SORL1: variants seen among roughly 807,000 people sequenced by gnomAD.
The protein encoded by SORL1 is sortilin related receptor 1, also known as sortilin-related receptor.
A neutral mutation model predicts 273.7 loss-of-function variants in SORL1; 127 were observed. The observed-to-expected ratio is 0.46, with a 90% CI of 0.40 to 0.54. The LOEUF (loss-of-function observed/expected upper bound fraction) is 0.54. Ranked by LOEUF, SORL1 falls within the 20% of genes least tolerant of loss-of-function variation. The probability of loss-of-function intolerance (pLI) is 0.00; values close to 1 mark genes in which losing one functional copy is unlikely to be tolerated. For missense variants in SORL1, 2,494 were observed against 2,846.1 expected (o/e 0.88, Z 2.81); for synonymous variants, 1,031 against 1,067.4 (o/e 0.97, Z 0.66).
chr11:121,557,906 CCT>C (rs373111373), intron 19 of SORL1, among the ~76,000 whole-genome samples: 249 of 152,268 alleles, frequency 1.6e-3, no homozygotes, highest in African/African-American at 5.8e-3. Flanking sequence ...TCTGGCTTTT[CCT>C]CTCTCGTAGC....
At position 121,452,517 on chromosome 11, in the gene SORL1, G is replaced by A; in HGVS notation, c.186G>A (p.Ala62=). Residue 62 remains alanine (A), a synonymous_variant, in exon 1 of 48, where the codon GCG becomes GCA. Coordinates refer to ENST00000260197, the MANE Select transcript of SORL1 (RefSeq NM_003105.6). This position sits in a 1 kb window ranked among gnomAD's most constrained non-coding sequence, Gnocchi z 5.3. ...ACCCGCGCGAGCTGCGGCTGTGGGC[G>A]CGCGGGGATGCCAGGGGGGCGAGCC... is the stretch of plus-strand genomic sequence containing the variant. ...QGDPRELRLW[A]RGDARGASRA... 1 of 1,478,224 alleles carries A rather than the reference G, an allele frequency of 6.8e-7. No homozygotes were observed. 91.6% of individuals were successfully genotyped at this position (1,478,224 alleles called of 1,614,324 possible).
rs749701185 is a variant in SORL1 at position 121,567,085 on chromosome 11, G to A, written c.3195G>A (p.Gln1065=). 5.6e-6 allele frequency: 9 copies of A among 1,613,874 alleles called. No homozygotes were observed. In the South Asian group the frequency reaches 8.8e-5, roughly 16 times the overall value. ...TGTGTGACTGCCCTCAGGGCTATCAGCTCAAGAACAATACCTGTGTCAAAC... is the reference window on the plus strand; with the variant it reads ...TGTGTGACTGCCCTCAGGGCTATCAACTCAAGAACAATACCTGTGTCAAAC... ...DLMCDCPQGY[Q]LKNNTCVKQE... The change falls in exon 22 of 48, where the codon CAG becomes CAA. Residue 1065 remains glutamine, a synonymous_variant. Coordinates refer to ENST00000260197, the MANE Select transcript of SORL1 (RefSeq NM_003105.6).
intron 3 of SORL1, among the ~76,000 whole-genome samples, chr11:121,487,057 T>C (rs579131): frequency 0.99 from 151,544 of 152,328 alleles, 75,388 homozygotes; most frequent in Middle Eastern, 1. Flanking sequence ...TCTTTCCCTG[T>C]GGGAGTCTCA....
chr11:121,611,257 A>T, intron 39 of SORL1, 99 bp downstream of exon 39: 1 of 810,872 alleles, frequency 1.2e-6, no homozygotes, highest in Non-Finnish European at 2.0e-6. Flanking sequence ...ACAAAAAACA[A>T]AAAACAAAAA....
chr11:121,604,271 G>T lies in SORL1; in HGVS notation c.4598G>T (p.Arg1533Leu), dbSNP rs759454929. ...DGEACIVLSE[R>L]CDGFLDCSDE... The stretch of plus-strand genomic sequence containing the variant: ...GAGGCCTGCATTGTGCTCTCGGAGC[G>T]CTGCGACGGCTTCCTGGACTGCTCG... The change falls in exon 33 of 48, where the codon CGC becomes CTC. Residue 1533 changes from arginine (R) to leucine (L), a missense_variant. Physicochemically the swap from Arg to Leu is moderately radical, Grantham distance 102 (BLOSUM62 -2). This residue lies in a region of SORL1 where 1,609 missense variants were observed against 1,816.4 expected (regional missense o/e 0.89). Coordinates refer to ENST00000260197, the MANE Select transcript of SORL1 (RefSeq NM_003105.6). The T allele has an allele frequency of 6.2e-7, 1 of 1,614,048 alleles. No homozygotes were observed. Among genetic ancestry groups the T allele is most frequent in the South Asian group, 1.1e-5 (1 of 91,084 alleles).
intron 5 of SORL1, among the ~76,000 whole-genome samples, chr11:121,495,996 G>T (rs1861623530): frequency 6.6e-6 from 1 of 152,174 alleles, no homozygotes; most frequent in South Asian, 2.1e-4. Context: ...GAATAAGACT[G>T]ATTCTAAAAA....
intron 11 of SORL1, 73 bp from the exon 12 acceptor site, chr11:121,532,391 G>A (rs959300250): frequency 8.3e-5 from 111 of 1,341,032 alleles, no homozygotes; most frequent in East Asian, 4.6e-5. Flanking sequence ...GTGCATGCCT[G>A]TGGGCATGTG....
intron 12 of SORL1, among the ~76,000 whole-genome samples, chr11:121,538,726 T>C (rs981651042): frequency 6.6e-6 from 1 of 152,220 alleles, no homozygotes; most frequent in East Asian, 1.9e-4. Context: ...TCGCTTAGGC[T>C]GGAGCACAGT....
At chr11:121,507,846 T>A (rs1040782040) in intron 6 of SORL1, among the ~76,000 whole-genome samples, 4 of 152,172 alleles carry the variant, frequency 2.6e-5, no homozygotes, top group Admixed American at 2.6e-4. Context: ...TTGCTTGTCC[T>A]GTGATTTTTT....
chr11:121,468,389 G>T (rs1861119000), intron 1 of SORL1, among the ~76,000 whole-genome samples: 1 of 152,088 alleles, frequency 6.6e-6, no homozygotes, highest in Non-Finnish European at 1.5e-5. Flanking sequence ...CTGGTTTCAT[G>T]GCATTGTCCT....
At chr11:121,551,657 T>A (rs1270259921) in intron 16 of SORL1, among the ~76,000 whole-genome samples, 1 of 152,208 alleles carries the variant, frequency 6.6e-6, no homozygotes, top group Non-Finnish European at 1.5e-5. Context: ...TGGACAGCCA[T>A]AAGCACCGAA....
intron 11 of SORL1, 90 bp downstream of exon 11, chr11:121,523,079 A>G: frequency 1.1e-6 from 1 of 881,974 alleles, no homozygotes; most frequent in Non-Finnish European, 1.9e-6. Flanking sequence ...AGGGACACAA[A>G]TGGTCCATGG....
chr11:121,629,838 C>A lies in SORL1; in HGVS notation c.*275C>A, dbSNP rs988378199. The stretch of plus-strand genomic sequence containing the variant: ...GCTGTGCTTGCTGGGCATGCTTTTA[C>A]GTCTGTGAGATAATTTCGGTTCAGT... On this transcript the variant is annotated 3_prime_UTR_variant, in exon 48 of 48. Transcript: ENST00000260197. 17 of 392,578 alleles carry A rather than the reference C, an allele frequency of 4.3e-5. No homozygotes were observed. The highest frequency in any genetic ancestry group is 7.3e-5 in the Non-Finnish European group (16 of 218,822). 24.3% of individuals were successfully genotyped at this position (392,578 alleles called of 1,614,324 possible). A position where few individuals can be genotyped will look rare whatever the true frequency, so the allele number is the denominator to read the frequency against.
chr11:121,489,092 G>A (rs1283500071), intron 4 of SORL1, among the ~76,000 whole-genome samples: 1 of 152,090 alleles, frequency 6.6e-6, no homozygotes, highest in Non-Finnish European at 1.5e-5. Context: ...AGATCAGCAG[G>A]TTAATTCCTC....
At chr11:121,617,044 C>A (rs1863653219) in intron 41 of SORL1, among the ~76,000 whole-genome samples, 1 of 152,182 alleles carries the variant, frequency 6.6e-6, no homozygotes, top group African/African-American at 2.4e-5. Context: ...TGTCTAAAGA[C>A]CTGAGATTGA....
chr11:121,475,654 G>A (rs751319282), intron 2 of SORL1, among the ~76,000 whole-genome samples: 11 of 152,196 alleles, frequency 7.2e-5, no homozygotes, highest in Non-Finnish European at 1.6e-4. Context: ...GCAGAGAAAC[G>A]TTAAGATGGA....
At chr11:121,454,395 T>C (rs1352870344) in intron 1 of SORL1, among the ~76,000 whole-genome samples, 1 of 152,218 alleles carries the variant, frequency 6.6e-6, no homozygotes, top group Admixed American at 6.5e-5. Context: ...CATTTCTTTC[T>C]TGGGTTTGGT....
chr11:121,577,566 C>T (rs1862952961), intron 25 of SORL1, among the ~76,000 whole-genome samples, 166 bp downstream of exon 25: 1 of 152,220 alleles, frequency 6.6e-6, no homozygotes, highest in Non-Finnish European at 1.5e-5. Context: ...GATAAGGAAC[C>T]TGTGCCAGAA....
At chr11:121,511,732 A>G (rs1182139733) in intron 6 of SORL1, among the ~76,000 whole-genome samples, 1 of 152,196 alleles carries the variant, frequency 6.6e-6, no homozygotes, top group African/African-American at 2.4e-5. Context: ...TGCTGCTCAA[A>G]TGGATTAAAA....
Sources: allele counts gnomAD v4.1 joint callset (sites outside exome capture counted in the v4.1 genomes callset), GRCh38; gene constraint gnomAD v4.1.1; regional missense constraint gnomAD v4.1.1; non-coding constraint Gnocchi (gnomAD v3.1); transcripts MANE v1.5; gene names NCBI Gene and HGNC (gene_info 2026-07-23, HGNC 2026-07-21).